RNF139: variants seen among roughly 807,000 people sequenced by gnomAD.
RNF139 encodes the protein ring finger protein 139.
A neutral mutation model predicts 49.5 loss-of-function variants in RNF139; 15 were observed. That is an observed-to-expected ratio of 0.30 (90% confidence interval 0.20 to 0.47). The LOEUF is 0.47. RNF139 is among the 20% of genes least tolerant of loss of function. RNF139 has a pLI of 1.00. For synonymous variants in RNF139, 325 were observed against 300.9 expected (o/e 1.08, Z -0.83); for missense variants, 619 against 806.3 (o/e 0.77, Z 2.81).
At position 124,487,512 on chromosome 8, in the gene RNF139, T is replaced by C. The variant is rs1816558795; in HGVS notation, c.1863T>C (p.Ala621=). ...NETPEEAVRE[A]AAESDRELNE... Reference sequence around the variant, plus strand: ...CTCCAGAGGAAGCTGTAAGAGAAGCTGCTGCTGAATCTGACAGGGAATTGA... The same window carrying C: ...CTCCAGAGGAAGCTGTAAGAGAAGCCGCTGCTGAATCTGACAGGGAATTGA... The change falls in exon 2 of 2, where the codon GCT becomes GCC. Residue 621 remains alanine, a synonymous_variant. Coordinates refer to ENST00000303545, the MANE Select transcript of RNF139 (RefSeq NM_007218.4). The C allele has an allele frequency of 6.2e-7, 1 of 1,614,140 alleles. No individual in the cohort carries two copies. Among genetic ancestry groups the C allele is most frequent in the Admixed American group, 1.7e-5 (1 of 60,018 alleles).
intron 1 of RNF139, among the ~76,000 whole-genome samples, chr8:124,482,914 G>A (rs1371269514): frequency 1.6e-5 from 2 of 121,344 alleles, no homozygotes; most frequent in Admixed American, 9.9e-5. Flanking sequence ...CAACAGGAGC[G>A]AAACTCCATT....
chr8:124,482,527 A>G (rs763837329), intron 1 of RNF139, among the ~76,000 whole-genome samples: 1 of 152,084 alleles, frequency 6.6e-6, no homozygotes, highest in African/African-American at 2.4e-5. Context: ...TCTCAGGAAA[A>G]TAAGGTGGTT....
rs28414531 is a variant in RNF139, at chr8:124,481,423, C to T, written c.182-4408C>T. Among the ~76,000 whole-genome samples, 418 of 152,226 alleles carry T rather than the reference C, an allele frequency of 2.7e-3. 6 individuals are homozygous for T. The highest frequency in any genetic ancestry group is 9.1e-3 in the African/African-American group (377 of 41,540). ...AGGGTAAGGGTATGAATAGACTTTA[C>T]ACATAAAAGAGTGAAACACTTTGTT... On this transcript the variant is annotated intron_variant, in intron 1 of 1. Coordinates refer to ENST00000303545, the MANE Select transcript of RNF139 (RefSeq NM_007218.4).
Position 124,482,426 on chromosome 8 carries a change from C to T in RNF139, c.182-3405C>T, listed in dbSNP as rs1270631003. ...ATTTACAGTTCCTGCTTGACTTTCT[C>T]CCCTCTAAGTGGCATAAAGTAGAAC... is the stretch of plus-strand genomic sequence containing the variant. On this transcript the variant is annotated intron_variant, in intron 1 of 1. Coordinates refer to ENST00000303545, the MANE Select transcript of RNF139 (RefSeq NM_007218.4). 5.3e-5 allele frequency among the ~76,000 whole-genome samples: 8 copies of T among 152,160 alleles called. No individual in the cohort carries two copies. The South Asian group carries it at 1.2e-3, about 24-fold the overall frequency.
intron 1 of RNF139, among the ~76,000 whole-genome samples, chr8:124,484,237 TAGG>T (rs1380371291): frequency 6.6e-6 from 1 of 152,104 alleles, no homozygotes; most frequent in Non-Finnish European, 1.5e-5. Context: ...GTGTGTGTGT[TAGG>T]AGGAATATTA....
At chr8:124,482,904 C>A (rs1408112286) in intron 1 of RNF139, among the ~76,000 whole-genome samples, 1 of 128,068 alleles carries the variant, frequency 7.8e-6, no homozygotes, top group African/African-American at 3.0e-5. Context: ...CCAGCCTGGG[C>A]AACAGGAGCG....
chr8:124,482,959 ATATATATATATTATTT>A (rs1563631038), intron 1 of RNF139, among the ~76,000 whole-genome samples: 1 of 69,010 alleles, frequency 1.4e-5, no homozygotes, highest in Non-Finnish European at 3.2e-5. Flanking sequence ...TATATATATA[ATATATATATATTATTT>A]AAATATATAT....
rs748916386 is a variant in RNF139 at position 124,486,912 on chromosome 8, T to A, written c.1263T>A (p.Phe421Leu). The change falls in exon 2 of 2, where the codon TTT becomes TTA. Residue 421 changes from phenylalanine to leucine, a missense_variant. Phe to Leu is a conservative substitution (Grantham distance 22). This residue lies in a region of RNF139 where 530 missense variants were observed against 728.9 expected (regional missense o/e 0.73). Transcript: ENST00000303545. ...WHHYALNTWL[F>L]AVTAFCVELC... ...ACTATGCACTAAATACATGGTTGTT[T>A]GCAGTTACAGCATTTTGTGTGGAAC... The A allele has an allele frequency of 1.9e-6, 3 of 1,614,110 alleles. No individual in the cohort carries two copies. Among genetic ancestry groups the A allele is most frequent in the Admixed American group, 3.3e-5 (2 of 60,018 alleles).
chr8:124,481,105 G>GT lies in RNF139; in HGVS notation c.182-4718dup, dbSNP rs531271229. Among the ~76,000 whole-genome samples the GT allele has an allele frequency of 1.5e-4, 23 of 151,864 alleles. No homozygotes were observed. The East Asian group carries it at 2.9e-3, about 19-fold the overall frequency. On this transcript the variant is annotated intron_variant, in intron 1 of 1. Coordinates refer to ENST00000303545, the MANE Select transcript of RNF139 (RefSeq NM_007218.4). ...TTTGTGTTAATACTTAGAATACCAG[G>GT]TTTTTTTTCAACCTAAAATGAGAAT...
chr8:124,488,231 A>G lies in RNF139; in HGVS notation c.*587A>G, dbSNP rs149062764. Among the ~76,000 whole-genome samples the G allele has an allele frequency of 7.4e-4, 113 of 152,302 alleles. 1 individual carries two copies. In the East Asian group the frequency reaches 0.019, roughly 26 times the overall value. On this transcript the variant is annotated 3_prime_UTR_variant, in exon 2 of 2. Coordinates refer to ENST00000303545, the MANE Select transcript of RNF139 (RefSeq NM_007218.4). Reference sequence around the variant, plus strand: ...TTCAGAGAGAGACTGAGGGTTGACAAATAAACTGTATCAACTAAACTTTGA... The same window carrying G: ...TTCAGAGAGAGACTGAGGGTTGACAGATAAACTGTATCAACTAAACTTTGA...
chr8:124,475,840 A>T (rs1034132066), intron 1 of RNF139, among the ~76,000 whole-genome samples: 4 of 152,220 alleles, frequency 2.6e-5, no homozygotes, highest in Non-Finnish European at 5.9e-5. Context: ...AAAAATTCTC[A>T]TGAAAGCGGC....
chr8:124,486,523 C>G lies in RNF139; in HGVS notation c.874C>G (p.Leu292Val), dbSNP rs759083089. Residue 292 changes from leucine to valine, a missense_variant, in exon 2 of 2, where the codon CTG (leucine) becomes GTG (valine). Around this residue, in one of 2 missense-constraint regions of RNF139, gnomAD observed 530 missense variants for 728.9 expected, o/e 0.73. Coordinates refer to ENST00000303545, the MANE Select transcript of RNF139 (RefSeq NM_007218.4). ...TGGGTGCGATTCTACACTAACTGTA[C>G]TGGGCATGAGTGCTGTAATTTCCTC... ...ISGCDSTLTV[L>V]GMSAVISSVA... 6.2e-7 allele frequency: 1 copy of G among 1,614,150 alleles called. No homozygotes were observed.
chr8:124,481,718 C>T (rs976421674), intron 1 of RNF139, among the ~76,000 whole-genome samples: 3 of 152,030 alleles, frequency 2.0e-5, no homozygotes, highest in South Asian at 4.1e-4. Context: ...CATTTATATA[C>T]AGTCTTGATT....
intron 1 of RNF139, among the ~76,000 whole-genome samples, chr8:124,475,933 C>T (rs931976919): frequency 6.6e-6 from 1 of 152,174 alleles, no homozygotes; most frequent in African/African-American, 2.4e-5. Context: ...GAGACATTTG[C>T]CAAAGAGACT....
intron 1 of RNF139, chr8:124,483,360 G>A (rs2131304146): frequency 6.6e-6 from 1 of 151,370 alleles, no homozygotes; most frequent in African/African-American, 2.4e-5. Flanking sequence ...ATTGTGAAAT[G>A]CGTCTACTGT....
intron 1 of RNF139, among the ~76,000 whole-genome samples, chr8:124,484,160 G>A (rs1816493992): frequency 6.6e-6 from 1 of 152,172 alleles, no homozygotes; most frequent in Non-Finnish European, 1.5e-5. Context: ...CAAAAAGAAT[G>A]TAAACACTGC....
rs1291542898 is a variant in RNF139, at chr8:124,487,814, T to G, written c.*170T>G. On this transcript the variant is annotated 3_prime_UTR_variant, in exon 2 of 2. Coordinates refer to ENST00000303545, the MANE Select transcript of RNF139 (RefSeq NM_007218.4). Reference sequence around the variant, plus strand: ...ATGTGCTACTGTAAATATACCTCTTTAATTACTTCTGGTCTCTTTGGTGAC... The same window carrying G: ...ATGTGCTACTGTAAATATACCTCTTGAATTACTTCTGGTCTCTTTGGTGAC... 6.6e-5 allele frequency: 40 copies of G among 609,768 alleles called. No homozygotes were observed. The highest frequency in any genetic ancestry group is 2.2e-5 in the Non-Finnish European group (8 of 359,730). 37.8% of individuals were successfully genotyped at this position (609,768 alleles called of 1,614,324 possible). A position where few individuals can be genotyped will look rare whatever the true frequency, so the allele number is the denominator to read the frequency against.
At chr8:124,476,370 G>A (rs1339747048) in intron 1 of RNF139, among the ~76,000 whole-genome samples, 1 of 152,172 alleles carries the variant, frequency 6.6e-6, no homozygotes, top group East Asian at 1.9e-4. Context: ...GAGGTGGGTG[G>A]TGGTATTGTC....
At chr8:124,477,370 A>G (rs892795007) in intron 1 of RNF139, among the ~76,000 whole-genome samples, 1 of 152,256 alleles carries the variant, frequency 6.6e-6, no homozygotes, top group Non-Finnish European at 1.5e-5. Context: ...AAATATGCCA[A>G]TGGATAGTTG....
Sources: gnomAD v4.1 joint callset for allele counts (sites outside exome capture counted in the v4.1 genomes callset) on GRCh38, gnomAD v4.1.1 for gene constraint, gnomAD v4.1.1 regional missense constraint, MANE v1.5 for transcripts, NCBI Gene and HGNC (gene_info 2026-07-23, HGNC 2026-07-21) for gene names.